TECTB: variants seen among roughly 807,000 people sequenced by gnomAD.
TECTB encodes the protein tectorin beta, also known as beta-tectorin.
Under a neutral mutation model 43.3 loss-of-function variants are expected in TECTB, and 45 were observed. The ratio of observed to expected loss-of-function variants is 1.04; its 90% CI spans 0.82 to 1.33. The LOEUF is 1.33. Ranked by LOEUF, TECTB falls within the 40% of genes most tolerant of loss-of-function variation. The pLI is 0.00. For missense variants in TECTB, 399 were observed against 404.7 expected (o/e 0.99, Z 0.12); for synonymous variants, 169 against 156.7 (o/e 1.08, Z -0.59).
chr10:112,293,716 C>T (rs368808171), intron 5 of TECTB, 22 bp from the exon 6 acceptor site: 261 of 1,603,322 alleles, frequency 1.6e-4, no homozygotes, highest in Admixed American at 3.8e-4. Context: ...TCATAATGCC[C>T]AGTGTCAATT....
Position 112,299,565 on chromosome 10 carries a change from G to C in TECTB, c.907+1G>C. 6.4e-7 allele frequency: 1 copy of C among 1,569,770 alleles called. No individual in the cohort carries two copies. The highest frequency in any genetic ancestry group is 8.6e-7 in the Non-Finnish European group (1 of 1,163,402). ...CTGGTCGTGGAGCTCTCCCTGCGGAGTAAGCGTCTCTGTTTTCCTCTGTTT... is the reference window on the plus strand; with the variant it reads ...CTGGTCGTGGAGCTCTCCCTGCGGACTAAGCGTCTCTGTTTTCCTCTGTTT... On this transcript the variant is annotated splice_donor_variant, in intron 9 of 10. Transcript: ENST00000646139. LOFTEE classifies it high-confidence loss of function.
chr10:112,286,053 T>C lies in TECTB; in HGVS notation c.268-18T>C, dbSNP rs1344485141. The C allele has an allele frequency of 3.1e-6, 5 of 1,613,758 alleles. No individual in the cohort carries two copies. The highest frequency in any genetic ancestry group is 4.2e-6 in the Non-Finnish European group (5 of 1,179,826). On this transcript the variant is annotated intron_variant, in intron 3 of 10. Transcript: ENST00000646139. Reference sequence around the variant, plus strand: ...CGGGGAAACAGATTCATCCTGACTGTCTCCTTTCTTTGTCCAGTACAAGCC... The same window carrying C: ...CGGGGAAACAGATTCATCCTGACTGCCTCCTTTCTTTGTCCAGTACAAGCC...
intron 7 of TECTB, among the ~76,000 whole-genome samples, chr10:112,297,695 T>A (rs1589641095): frequency 1.3e-5 from 2 of 152,264 alleles, no homozygotes; most frequent in Admixed American, 1.3e-4. Flanking sequence ...GCAGGGGCAA[T>A]GCTGCACCTG....
chr10:112,300,054 C>A (rs183931999), intron 9 of TECTB, among the ~76,000 whole-genome samples: 320 of 150,268 alleles, frequency 2.1e-3, no homozygotes, highest in Non-Finnish European at 3.4e-3. Flanking sequence ...CCCAACTACT[C>A]GGGAGGCTAA....
In TECTB at chr10:112,303,286, A is replaced by G. The variant is rs1027420661; in HGVS notation, c.964A>G (p.Met322Val). 17 of 1,613,968 alleles carry G rather than the reference A, an allele frequency of 1.1e-5. No homozygotes were observed. The Admixed American group carries it at 2.8e-4, about 27-fold the overall frequency. Residue 322 changes from methionine (M) to valine (V), a missense_variant, in exon 11 of 11, where the codon ATG (methionine) becomes GTG (valine). Transcript: ENST00000646139. ...AGATGTTCTCCACCACCTCATCATG[A>G]TGTTGGGGATTTGTGCCGTGTTATA... is the stretch of plus-strand genomic sequence containing the variant. The part of the protein sequence containing the change: ...FSDVLHHLIM[M>V]LGICAVL
At chr10:112,290,205 T>C (rs1013833764) in intron 5 of TECTB, among the ~76,000 whole-genome samples, 4 of 152,224 alleles carry the variant, frequency 2.6e-5, no homozygotes, top group African/African-American at 9.6e-5. Context: ...CTGTAGACAC[T>C]ACCTGTCTGT....
chr10:112,303,055 T>C (rs1848625947), intron 10 of TECTB: 1 of 577,526 alleles, frequency 1.7e-6, no homozygotes, highest in African/African-American at 1.9e-5. Context: ...TGATTTCTAT[T>C]TGTCAGAGGT....
intron 8 of TECTB, 77 bp from the exon 9 acceptor site, chr10:112,299,415 T>C: frequency 7.1e-7 from 1 of 1,405,026 alleles, no homozygotes; most frequent in African/African-American, 1.4e-5. Flanking sequence ...ATATCTTTTC[T>C]TTCTCTTTTC....
chr10:112,303,200 G>C, intron 10 of TECTB, 63 bp from the exon 11 acceptor site: 1 of 1,593,046 alleles, frequency 6.3e-7, no homozygotes, highest in Non-Finnish European at 8.6e-7. Context: ...CTCTTCTGTT[G>C]AGTTGGCTTT....
intron 7 of TECTB, 22 bp from the exon 8 acceptor site, chr10:112,298,047 C>A (rs768217013): frequency 2.3e-5 from 37 of 1,613,842 alleles, no homozygotes; most frequent in Admixed American, 1.3e-4. Context: ...ACAGTTCACT[C>A]TTCTTTCCCC....
chr10:112,303,355 T>C lies in TECTB; in HGVS notation c.*43T>C, dbSNP rs928923997. On this transcript the variant is annotated 3_prime_UTR_variant, in exon 11 of 11. Transcript: ENST00000646139. ...GCCGCTCCTCCACCCACAATAGTCC[T>C]CAGCGAATGACAAACACATTTATTG... The C allele has an allele frequency of 1.2e-6, 2 of 1,609,750 alleles. No homozygotes were observed. The highest frequency in any genetic ancestry group is 2.7e-5 in the African/African-American group (2 of 74,816).
intron 5 of TECTB, among the ~76,000 whole-genome samples, chr10:112,289,031 C>G (rs1390631163): frequency 1.3e-5 from 2 of 152,184 alleles, no homozygotes; most frequent in Non-Finnish European, 2.9e-5. Flanking sequence ...GTTAACCAAC[C>G]TCTCTGGGCT....
In TECTB at chr10:112,294,011, C is replaced by G. The variant is rs112499664; in HGVS notation, c.621C>G (p.Thr207=). The G allele has an allele frequency of 7.4e-6, 12 of 1,614,102 alleles. No homozygotes were observed. Among genetic ancestry groups the G allele is most frequent in the Non-Finnish European group, 1.0e-5 (12 of 1,180,012 alleles). The change falls in exon 7 of 11, where the codon ACC becomes ACG. Residue 207 remains threonine (T), a synonymous_variant. Transcript: ENST00000646139. ...TGGTCTTGAACAGCTGTTGGGCCACCCCCTCGGCTGACTTCATGTATCCCT... is the reference window on the plus strand; with the variant it reads ...TGGTCTTGAACAGCTGTTGGGCCACGCCCTCGGCTGACTTCATGTATCCCT... ...FKVVLNSCWA[T]PSADFMYPLQ...
chr10:112,303,303 C>T lies in TECTB; in HGVS notation c.981C>T (p.Ala327=), dbSNP rs768062012. ...TCATCATGATGTTGGGGATTTGTGC[C>T]GTGTTATAGGAGTTAGCCAGGCAGC... ...HHLIMMLGIC[A]VL Residue 327 remains alanine, a synonymous_variant, in exon 11 of 11, where the codon GCC becomes GCT. Transcript: ENST00000646139. 2.0e-5 allele frequency: 32 copies of T among 1,614,072 alleles called. No individual in the cohort carries two copies. The highest frequency in any genetic ancestry group is 3.3e-5 in the South Asian group (3 of 91,064).
Position 112,298,248 on chromosome 10 carries a change from C to T in TECTB, c.834+17C>T, listed in dbSNP as rs762036914. 1.9e-6 allele frequency: 3 copies of T among 1,607,382 alleles called. No homozygotes were observed. Among genetic ancestry groups the T allele is most frequent in the African/African-American group, 2.7e-5 (2 of 74,840 alleles). ...TGCCCAGTGGTGAGCTGCCTCTCTC[C>T]AGAAGGACAATGTTACCTAAAGGGT... is the stretch of plus-strand genomic sequence containing the variant. On this transcript the variant is annotated intron_variant, in intron 8 of 10. Transcript: ENST00000646139.
In TECTB at chr10:112,288,220, T is replaced by C. The variant is rs924038934; in HGVS notation, c.483+1829T>C. Among the ~76,000 whole-genome samples the C allele has an allele frequency of 2.6e-5, 4 of 152,302 alleles. No individual in the cohort carries two copies. The East Asian group carries it at 5.8e-4, about 22-fold the overall frequency. On this transcript the variant is annotated intron_variant, in intron 5 of 10. Transcript: ENST00000646139. Reference sequence around the variant, plus strand: ...GATCCCATGAAGGTTTTACAATAGTTGGCAACACGGAGACACCAGGATTGT... The same window carrying C: ...GATCCCATGAAGGTTTTACAATAGTCGGCAACACGGAGACACCAGGATTGT...
intron 5 of TECTB, among the ~76,000 whole-genome samples, chr10:112,290,029 T>C (rs1811437794): frequency 6.6e-6 from 1 of 152,188 alleles, no homozygotes; most frequent in Admixed American, 6.5e-5. Context: ...TGGTTTCAGT[T>C]ACCCTTGGTA....
rs746189488 is a variant in TECTB, at chr10:112,286,220, T to C, written c.410+7T>C. On this transcript the variant is annotated splice_region_variant and intron_variant, in intron 4 of 10. Transcript: ENST00000646139. ...AGGCTGCCTTTGACCAGAGGTAAGT[T>C]GCTGTGCGGCATGGAGGGCTGGCTG... The C allele has an allele frequency of 3.7e-6, 6 of 1,614,056 alleles. No individual in the cohort carries two copies. Among genetic ancestry groups the C allele is most frequent in the Non-Finnish European group, 5.1e-6 (6 of 1,180,004 alleles).
intron 7 of TECTB, among the ~76,000 whole-genome samples, chr10:112,296,293 A>G (rs1848546422): frequency 6.6e-6 from 1 of 152,220 alleles, no homozygotes; most frequent in Non-Finnish European, 1.5e-5. Context: ...GACATGGGAA[A>G]GGAGGCTCAT....
Sources: allele counts gnomAD v4.1 joint callset (sites outside exome capture counted in the v4.1 genomes callset), GRCh38; gene constraint gnomAD v4.1.1; transcripts MANE v1.5; gene names NCBI Gene and HGNC (gene_info 2026-07-23, HGNC 2026-07-21).